ANK3: variants seen among roughly 807,000 people sequenced by gnomAD.
ANK3 encodes the protein ankyrin 3.
Under a neutral mutation model 370.9 loss-of-function variants are expected in ANK3, and 57 were observed. The observed-to-expected ratio is 0.15, with a 90% CI of 0.12 to 0.19. ANK3 has a LOEUF of 0.19. ANK3 is among the 10% of genes least tolerant of loss of function. The probability of loss-of-function intolerance (pLI) is 1.00; values close to 1 mark genes in which losing one functional copy is unlikely to be tolerated. For synonymous variants in ANK3, 1,929 were observed against 1,946.3 expected (o/e 0.99, Z 0.23); for missense variants, 4,439 against 5,302.1 (o/e 0.84, Z 5.06).
intron 1 of ANK3, among the ~76,000 whole-genome samples, chr10:60,643,248 C>T (rs995833757): frequency 6.6e-6 from 1 of 152,066 alleles, no homozygotes; most frequent in South Asian, 2.1e-4. Flanking sequence ...CAGACCCACT[C>T]CTAATCTGGG....
intron 1 of ANK3, among the ~76,000 whole-genome samples, chr10:60,643,367 A>T (rs1426862704): frequency 6.6e-6 from 1 of 152,120 alleles, no homozygotes; most frequent in East Asian, 1.9e-4. Context: ...CCTGTACTGG[A>T]TGCTTGCTGC....
chr10:60,111,830 GA>G, intron 26 of ANK3: 1 of 442,414 alleles, frequency 2.3e-6, no homozygotes, highest in South Asian at 1.6e-5. Flanking sequence ...GCAAGCAACA[GA>G]AAATGTCAAT....
At chr10:60,494,088 C>T (rs1373731902) in intron 2 of ANK3, among the ~76,000 whole-genome samples, 2 of 152,118 alleles carry the variant, frequency 1.3e-5, no homozygotes, top group African/African-American at 4.8e-5. Flanking sequence ...AAAACCTGAC[C>T]TTTAGTGAAA....
At chr10:60,444,083 C>T (rs534635910) in intron 2 of ANK3, among the ~76,000 whole-genome samples, 1 of 151,830 alleles carries the variant, frequency 6.6e-6, no homozygotes, top group Non-Finnish European at 1.5e-5. Flanking sequence ...ATATATGTAT[C>T]TCAAATGTTA....
chr10:60,157,190 A>G (rs772490535), intron 23 of ANK3, among the ~76,000 whole-genome samples: 7 of 151,952 alleles, frequency 4.6e-5, no homozygotes, highest in Non-Finnish European at 8.8e-5. Flanking sequence ...GGCACGTGCC[A>G]CCACGCCTGG....
intron 1 of ANK3, among the ~76,000 whole-genome samples, chr10:60,638,410 T>C (rs941830631): frequency 3.3e-5 from 5 of 151,966 alleles, no homozygotes; most frequent in African/African-American, 9.7e-5. Context: ...GATCTGCAAG[T>C]AACAACTACA....
intron 1 of ANK3, among the ~76,000 whole-genome samples, chr10:60,645,633 G>A (rs2078700773): frequency 6.6e-6 from 1 of 152,078 alleles, no homozygotes; most frequent in Non-Finnish European, 1.5e-5. Flanking sequence ...GCTGAGGCAA[G>A]AGAATTGCTT....
At chr10:60,563,423 T>C (rs1057327712) in intron 2 of ANK3, among the ~76,000 whole-genome samples, 3 of 152,216 alleles carry the variant, frequency 2.0e-5, no homozygotes, top group African/African-American at 7.2e-5. Context: ...TCTGAAATCC[T>C]TGCAGCCAGC....
chr10:60,362,871 CTCTG>C (rs2058819617), intron 1 of ANK3, among the ~76,000 whole-genome samples: 1 of 152,088 alleles, frequency 6.6e-6, no homozygotes, highest in Non-Finnish European at 1.5e-5. Flanking sequence ...CAGAGAAAAA[CTCTG>C]TCTGAGGAAT....
intron 16 of ANK3, among the ~76,000 whole-genome samples, chr10:60,190,688 C>T (rs1177346315): frequency 6.6e-6 from 1 of 152,114 alleles, no homozygotes; most frequent in Admixed American, 6.5e-5. Flanking sequence ...CACTGCAATT[C>T]CTGTTAAAAT....
At chr10:60,489,775 C>T (rs1364872434) in intron 2 of ANK3, among the ~76,000 whole-genome samples, 3 of 152,070 alleles carry the variant, frequency 2.0e-5, no homozygotes, top group African/African-American at 7.2e-5. Flanking sequence ...AAATAAAGAA[C>T]CAGCCTTTTA....
rs548442334 is a variant in ANK3, at chr10:60,694,217, C to T, written c.57+39046G>A. ...TTAGAGAAAAAACAATAAAAAGAAA[C>T]GAGCGAAGCCTCCAAGAAATATGGG... On this transcript the variant is annotated intron_variant, in intron 1 of 43. Transcript: ENST00000373827. 2.3e-3 allele frequency among the ~76,000 whole-genome samples: 347 copies of T among 152,170 alleles called. 1 individual carries two copies. Among genetic ancestry groups the T allele is most frequent in the African/African-American group, 6.7e-3 (278 of 41,528 alleles).
intron 2 of ANK3, among the ~76,000 whole-genome samples, chr10:60,540,068 A>G (rs2076812446): frequency 6.6e-6 from 1 of 151,880 alleles, no homozygotes; most frequent in African/African-American, 2.4e-5. Context: ...TGATAAGAAG[A>G]AAATGACAGG....
At chr10:60,564,216 T>A (rs1024693987) in intron 2 of ANK3, among the ~76,000 whole-genome samples, 3 of 152,244 alleles carry the variant, frequency 2.0e-5, no homozygotes, top group Admixed American at 6.5e-5. Flanking sequence ...TTTTAAAAAA[T>A]TTATAGCTAT....
At chr10:60,387,635 C>T (rs1459353322) in intron 1 of ANK3, among the ~76,000 whole-genome samples, 2 of 152,202 alleles carry the variant, frequency 1.3e-5, no homozygotes, top group Non-Finnish European at 2.9e-5. Flanking sequence ...TCCACTTGCA[C>T]ATTTACAATA....
intron 2 of ANK3, among the ~76,000 whole-genome samples, chr10:60,547,207 C>T (rs1053819926): frequency 1.3e-5 from 2 of 151,008 alleles, no homozygotes; most frequent in African/African-American, 4.9e-5. Flanking sequence ...TCTCCTGCCT[C>T]AGCCTTCTGA....
chr10:60,585,894 G>A (rs2077824312), intron 2 of ANK3, among the ~76,000 whole-genome samples: 2 of 151,888 alleles, frequency 1.3e-5, no homozygotes, highest in Admixed American at 6.6e-5. Context: ...CGTGGTGGCG[G>A]GTACCTGTAA....
intron 8 of ANK3, among the ~76,000 whole-genome samples, chr10:60,216,449 AGTTT>A (rs1484160740): frequency 2.0e-5 from 3 of 152,114 alleles, no homozygotes; most frequent in Non-Finnish European, 4.4e-5. Context: ...ATCAATCCCT[AGTTT>A]GTTGAGAGTT....
chr10:60,592,361 C>A (rs1034678001), intron 2 of ANK3, among the ~76,000 whole-genome samples: 2 of 152,196 alleles, frequency 1.3e-5, no homozygotes, highest in African/African-American at 4.8e-5. Flanking sequence ...ACAGTAAACA[C>A]AAAGATTACC....
Sources: gnomAD v4.1 joint callset for allele counts (sites outside exome capture counted in the v4.1 genomes callset) on GRCh38, gnomAD v4.1.1 for gene constraint, MANE v1.5 for transcripts, NCBI Gene and HGNC (gene_info 2026-07-23, HGNC 2026-07-21) for gene names.